The following MARCHF1 variants were observed in gnomAD, a reference collection of about 807,000 sequenced individuals.
MARCHF1 encodes the protein membrane associated ring-CH-type finger 1.
MARCHF1 carries 40 observed loss-of-function variants against 54.2 expected under a neutral mutation model. That is an observed-to-expected ratio of 0.74 (90% CI 0.57 to 0.96). The LOEUF (loss-of-function observed/expected upper bound fraction) is 0.96. Among genes scored for constraint, MARCHF1 ranks in the 40% least tolerant of loss-of-function variants. MARCHF1 has a pLI of 0.00. For synonymous variants in MARCHF1, 236 were observed against 236.3 expected (o/e 1.00, Z 0.01); for missense variants, 586 against 656.5 (o/e 0.89, Z 1.17).
rs988810477 is a variant in MARCHF1 at position 163,923,889 on chromosome 4, T to C, written c.-39+64612A>G. 2.7e-5 allele frequency among the ~76,000 whole-genome samples: 4 copies of C among 148,712 alleles called. No individual in the cohort carries two copies. In the East Asian group the frequency reaches 7.9e-4, roughly 29 times the overall value. ...TCAGTCATTTTGTGATAGGTGATGATAGATAGATAAAAAATAAATGGATAC... is the reference window on the plus strand; with the variant it reads ...TCAGTCATTTTGTGATAGGTGATGACAGATAGATAAAAAATAAATGGATAC... On this transcript the variant is annotated intron_variant, in intron 3 of 9. Transcript: ENST00000514618.
chr4:163,735,767 A>G (rs1746017095), intron 4 of MARCHF1, among the ~76,000 whole-genome samples: 1 of 152,168 alleles, frequency 6.6e-6, no homozygotes, highest in African/African-American at 2.4e-5. Context: ...GTACACTATT[A>G]TACTGGAACA....
intron 4 of MARCHF1, among the ~76,000 whole-genome samples, chr4:163,778,840 G>A (rs7689235): frequency 1.3e-5 from 2 of 152,022 alleles, no homozygotes; most frequent in Admixed American, 1.3e-4. Flanking sequence ...ATAGACAATA[G>A]AGACTAGAAT....
At chr4:163,860,149 T>C (rs1480868241) in intron 3 of MARCHF1, among the ~76,000 whole-genome samples, 1 of 152,008 alleles carries the variant, frequency 6.6e-6, no homozygotes, top group Non-Finnish European at 1.5e-5. Flanking sequence ...GAGAGGAAAA[T>C]ATAGAGAATT....
At chr4:164,022,172 T>C (rs965513118) in intron 2 of MARCHF1, among the ~76,000 whole-genome samples, 11 of 152,322 alleles carry the variant, frequency 7.2e-5, no homozygotes, top group Middle Eastern at 3.4e-3. Context: ...AGAGCACTGA[T>C]ACATTGTCCC....
At chr4:164,254,356 A>G (rs767204750) in intron 1 of MARCHF1, among the ~76,000 whole-genome samples, 1 of 148,880 alleles carries the variant, frequency 6.7e-6, no homozygotes, top group Non-Finnish European at 1.5e-5. Context: ...TTATATATAT[A>G]AACTCCCCTT....
At chr4:163,986,246 CTTCTTTTTTTTTTTT>C (rs1174026272) in intron 3 of MARCHF1, among the ~76,000 whole-genome samples, 2 of 73,758 alleles carry the variant, frequency 2.7e-5, no homozygotes, top group Admixed American at 1.9e-4. Context: ...TAATTAACCT[CTTCTTTTTTTTTTTT>C]TTTTTTTTTT....
intron 1 of MARCHF1, among the ~76,000 whole-genome samples, chr4:164,199,752 A>C (rs1373987237): frequency 6.6e-6 from 1 of 151,858 alleles, no homozygotes; most frequent in East Asian, 1.9e-4. Context: ...AAAAAAATCA[A>C]ATTTCTAAGG....
chr4:164,140,020 T>C (rs768606612), intron 1 of MARCHF1, among the ~76,000 whole-genome samples: 1 of 152,008 alleles, frequency 6.6e-6, no homozygotes, highest in Non-Finnish European at 1.5e-5. Context: ...ATATCATAAA[T>C]CTAAGGACCA....
intron 1 of MARCHF1, among the ~76,000 whole-genome samples, chr4:164,224,521 T>C (rs570430196): frequency 6.6e-6 from 1 of 151,974 alleles, no homozygotes; most frequent in Non-Finnish European, 1.5e-5. Flanking sequence ...GCATGAAAAA[T>C]GTTCACAACC....
At chr4:163,581,983 T>C (rs1053099807) in intron 8 of MARCHF1, among the ~76,000 whole-genome samples, 1 of 152,200 alleles carries the variant, frequency 6.6e-6, no homozygotes, top group Non-Finnish European at 1.5e-5. Context: ...TATAGAGTAT[T>C]ACAGAAAAAA....
In MARCHF1 at chr4:163,899,637, C is replaced by G. The variant is rs559795720; in HGVS notation, c.-38-45468G>C. The stretch of plus-strand genomic sequence containing the variant: ...CGATGACTCTCAAATGTCCATATCC[C>G]AGGCCTCTCTCTCCTGACCTGACCT... On this transcript the variant is annotated intron_variant, in intron 3 of 9. Coordinates refer to ENST00000514618, the MANE Select transcript of MARCHF1 (RefSeq NM_001394959.1). Among the ~76,000 whole-genome samples, 14 of 152,108 alleles carry G rather than the reference C, an allele frequency of 9.2e-5. No individual in the cohort carries two copies. The South Asian group carries it at 2.7e-3, about 29-fold the overall frequency.
intron 3 of MARCHF1, among the ~76,000 whole-genome samples, chr4:163,854,754 A>G (rs1306608160): frequency 3.3e-5 from 5 of 152,212 alleles, no homozygotes; most frequent in African/African-American, 1.2e-4. Flanking sequence ...AAAAGTAATA[A>G]TTTAAAACAA....
intron 3 of MARCHF1, among the ~76,000 whole-genome samples, chr4:163,937,351 A>G (rs1009236971): frequency 9.2e-5 from 14 of 152,090 alleles, no homozygotes; most frequent in African/African-American, 3.1e-4. Flanking sequence ...TAATAACAAA[A>G]GCTACAGTAG....
At chr4:164,035,282 T>C (rs776044649) in intron 2 of MARCHF1, among the ~76,000 whole-genome samples, 1 of 152,066 alleles carries the variant, frequency 6.6e-6, no homozygotes, top group African/African-American at 2.4e-5. Context: ...TCTATACCCA[T>C]AGTAACAAAA....
intron 4 of MARCHF1, among the ~76,000 whole-genome samples, chr4:163,790,592 G>A (rs1488123742): frequency 6.6e-6 from 1 of 152,090 alleles, no homozygotes; most frequent in Non-Finnish European, 1.5e-5. Context: ...GAAACTAATA[G>A]TTGAAAGTTC....
At chr4:164,071,395 G>A (rs1241550626) in intron 2 of MARCHF1, among the ~76,000 whole-genome samples, 1 of 151,798 alleles carries the variant, frequency 6.6e-6, no homozygotes, top group Non-Finnish European at 1.5e-5. Context: ...AAATTAAGTG[G>A]AAATTTATAT....
chr4:164,005,552 A>G (rs1449554290), intron 2 of MARCHF1, among the ~76,000 whole-genome samples: 1 of 152,144 alleles, frequency 6.6e-6, no homozygotes, highest in Non-Finnish European at 1.5e-5. Context: ...TTTCTATACT[A>G]GAGAAAATGA....
At chr4:164,347,559 C>T (rs1730143597) in intron 1 of MARCHF1, among the ~76,000 whole-genome samples, 1 of 152,080 alleles carries the variant, frequency 6.6e-6, no homozygotes, top group Non-Finnish European at 1.5e-5. Context: ...GCAACTTGTT[C>T]CGTTTTCCAA....
chr4:164,249,139 C>G (rs4502637), intron 1 of MARCHF1, among the ~76,000 whole-genome samples: 142,075 of 152,150 alleles, frequency 0.93, 66,387 homozygotes, highest in African/African-American at 0.96. Context: ...TAGATACCAA[C>G]ATGAAGAAGA....
Sources: gnomAD v4.1 joint callset for allele counts (sites outside exome capture counted in the v4.1 genomes callset) on GRCh38, gnomAD v4.1.1 for gene constraint, MANE v1.5 for transcripts, NCBI Gene and HGNC (gene_info 2026-07-23, HGNC 2026-07-21) for gene names.